FAF1: variants seen among roughly 807,000 people sequenced by gnomAD.
The protein encoded by FAF1 is Fas associated factor 1, also known as FAS-associated factor 1.
A neutral mutation model predicts 92.5 loss-of-function variants in FAF1; 25 were observed. That is an observed-to-expected ratio of 0.27 (90% CI 0.20 to 0.38). FAF1 has a LOEUF of 0.38. FAF1 is among the 10% of genes least tolerant of loss of function. The pLI, the probability that FAF1 is intolerant of heterozygous loss-of-function variation, is 1.00. For missense variants in FAF1, 636 were observed against 793.3 expected (o/e 0.80, Z 2.38); for synonymous variants, 234 against 273.2 (o/e 0.86, Z 1.42).
intron 7 of FAF1, among the ~76,000 whole-genome samples, chr1:50,656,894 A>G (rs1655138088): frequency 6.6e-6 from 1 of 152,134 alleles, no homozygotes; most frequent in Non-Finnish European, 1.5e-5. Flanking sequence ...AAAGAAAATA[A>G]TAAAAATAAA....
At chr1:50,623,143 C>A (rs994473977) in intron 8 of FAF1, among the ~76,000 whole-genome samples, 1 of 152,110 alleles carries the variant, frequency 6.6e-6, no homozygotes, top group Non-Finnish European at 1.5e-5. Flanking sequence ...ATAAGTGCAT[C>A]GAGTTCAAAT....
rs1049099793 is a variant in FAF1 at position 50,662,913 on chromosome 1, G to A, written c.658-7385C>T. On this transcript the variant is annotated intron_variant, in intron 7 of 18. Transcript: ENST00000396153. ...GATGGGGTTTCACCATTCACAGGATGGTCTCCATCTCCTGACCTCGTGATC... is the reference window on the plus strand; with the variant it reads ...GATGGGGTTTCACCATTCACAGGATAGTCTCCATCTCCTGACCTCGTGATC... Among the ~76,000 whole-genome samples, 6 of 151,158 alleles carry A rather than the reference G, an allele frequency of 4.0e-5. 1 individual carries two copies. The highest frequency in any genetic ancestry group is 1.5e-4 in the African/African-American group (6 of 40,760).
chr1:50,470,030 G>T (rs1203298453), intron 18 of FAF1, among the ~76,000 whole-genome samples: 1 of 152,138 alleles, frequency 6.6e-6, no homozygotes, highest in Non-Finnish European at 1.5e-5. Context: ...TTAAGATACA[G>T]TCATTCAATT....
chr1:50,555,084 G>A (rs981274349), intron 13 of FAF1, among the ~76,000 whole-genome samples: 6 of 151,962 alleles, frequency 3.9e-5, no homozygotes, highest in African/African-American at 1.2e-4. Flanking sequence ...TGGGCATGGC[G>A]GCATGAGCCT....
chr1:50,919,088 T>G (rs1473137128), intron 1 of FAF1, among the ~76,000 whole-genome samples: 1 of 152,244 alleles, frequency 6.6e-6, no homozygotes, highest in Admixed American at 6.5e-5. Context: ...TGTTATTTCC[T>G]TAATAATTTT....
chr1:50,765,139 G>A (rs1660514982), intron 4 of FAF1, among the ~76,000 whole-genome samples: 1 of 152,080 alleles, frequency 6.6e-6, no homozygotes, highest in Non-Finnish European at 1.5e-5. Flanking sequence ...AAAGAAAAAA[G>A]GTCTAACTCA....
At chr1:50,883,792 A>G (rs1288533985) in intron 1 of FAF1, among the ~76,000 whole-genome samples, 1 of 152,210 alleles carries the variant, frequency 6.6e-6, no homozygotes, top group East Asian at 1.9e-4. Context: ...AGAAGATATT[A>G]TGGAATTATT....
At chr1:50,782,291 G>C (rs1339776180) in intron 4 of FAF1, among the ~76,000 whole-genome samples, 2 of 151,988 alleles carry the variant, frequency 1.3e-5, no homozygotes, top group Non-Finnish European at 2.9e-5. Flanking sequence ...TACTGCCTCT[G>C]AAAACCTTCC....
Position 50,563,986 on chromosome 1 carries a change from G to T in FAF1, c.1268+3091C>A, listed in dbSNP as rs138929062. Among the ~76,000 whole-genome samples, 11 of 152,300 alleles carry T rather than the reference G, an allele frequency of 7.2e-5. No individual in the cohort carries two copies. In the East Asian group the frequency reaches 1.9e-3, roughly 27 times the overall value. ...TCTTTTCTTATTCCAATTTGTTAGAGAAATTAGGAAATTTAATTTATAATA... is the reference window on the plus strand; with the variant it reads ...TCTTTTCTTATTCCAATTTGTTAGATAAATTAGGAAATTTAATTTATAATA... On this transcript the variant is annotated intron_variant, in intron 13 of 18. Transcript: ENST00000396153.
At chr1:50,828,530 A>C (rs1644124896) in intron 2 of FAF1, among the ~76,000 whole-genome samples, 2 of 152,126 alleles carry the variant, frequency 1.3e-5, no homozygotes, top group African/African-American at 2.4e-5. Context: ...TGGCCTTCCA[A>C]AGTGCTGGGA....
intron 13 of FAF1, among the ~76,000 whole-genome samples, chr1:50,557,672 T>C (rs939287484): frequency 4.6e-5 from 7 of 152,170 alleles, no homozygotes; most frequent in African/African-American, 1.7e-4. Flanking sequence ...TCTTTTATAA[T>C]TTCTCTGACT....
intron 1 of FAF1, among the ~76,000 whole-genome samples, chr1:50,924,574 T>C (rs947761224): frequency 1.3e-5 from 2 of 152,152 alleles, no homozygotes; most frequent in African/African-American, 2.4e-5. Flanking sequence ...TAAGTTCATA[T>C]AGAAGCACAA....
At chr1:50,769,983 G>A (rs1167883697) in intron 4 of FAF1, among the ~76,000 whole-genome samples, 3 of 151,986 alleles carry the variant, frequency 2.0e-5, no homozygotes, top group Non-Finnish European at 4.4e-5. Context: ...CCCGGGAGGC[G>A]GACGTTGCAG....
At chr1:50,686,435 A>T (rs1035505755) in intron 7 of FAF1, among the ~76,000 whole-genome samples, 3 of 151,942 alleles carry the variant, frequency 2.0e-5, no homozygotes, top group African/African-American at 7.3e-5. Context: ...CCAGCTACTC[A>T]GGAGGCTGGG....
chr1:50,921,882 A>C (rs1337135622), intron 1 of FAF1, among the ~76,000 whole-genome samples: 1 of 152,100 alleles, frequency 6.6e-6, no homozygotes, highest in Non-Finnish European at 1.5e-5. Flanking sequence ...AAAACTACCA[A>C]ATGGCCAGAC....
rs576775118 is a variant in FAF1 at position 50,560,422 on chromosome 1, C to T, written c.1268+6655G>A. On this transcript the variant is annotated intron_variant, in intron 13 of 18. Coordinates refer to ENST00000396153, the MANE Select transcript of FAF1 (RefSeq NM_007051.3). Reference sequence around the variant, plus strand: ...AAGTTCAAAAGCTAATACTGACAGGCACAGAATTCTGTCTGTGAATATTGG... The same window carrying T: ...AAGTTCAAAAGCTAATACTGACAGGTACAGAATTCTGTCTGTGAATATTGG... Among the ~76,000 whole-genome samples the T allele has an allele frequency of 6.0e-4, 92 of 152,292 alleles. 1 individual carries two copies. The highest frequency in any genetic ancestry group is 4.3e-3 in the Admixed American group (66 of 15,292).
intron 18 of FAF1, among the ~76,000 whole-genome samples, chr1:50,454,218 C>T (rs1312054733): frequency 1.3e-5 from 2 of 152,220 alleles, no homozygotes; most frequent in Non-Finnish European, 2.9e-5. Flanking sequence ...ATATTATCCT[C>T]TCATAGACCC....
At chr1:50,664,013 T>G (rs1655509719) in intron 7 of FAF1, among the ~76,000 whole-genome samples, 1 of 149,812 alleles carries the variant, frequency 6.7e-6, no homozygotes, top group South Asian at 2.1e-4. Flanking sequence ...TTTTTTTTTT[T>G]TTTTAGACAG....
intron 1 of FAF1, among the ~76,000 whole-genome samples, chr1:50,863,914 T>C (rs1644457367): frequency 6.6e-6 from 1 of 152,130 alleles, no homozygotes; most frequent in Non-Finnish European, 1.5e-5. Context: ...AGTCAACTTC[T>C]TCCTGGTTTA....
Sources: gnomAD v4.1 joint callset for allele counts (sites outside exome capture counted in the v4.1 genomes callset) on GRCh38, gnomAD v4.1.1 for gene constraint, MANE v1.5 for transcripts, NCBI Gene and HGNC (gene_info 2026-07-23, HGNC 2026-07-21) for gene names.